The following SMARCD1 variants were observed in gnomAD, a reference collection of about 807,000 sequenced individuals.
The protein encoded by SMARCD1 is SWI/SNF related BAF chromatin remodeling complex subunit D1.
Under a neutral mutation model 70.8 loss-of-function variants are expected in SMARCD1, and 16 were observed. The observed-to-expected ratio is 0.23, with a 90% CI of 0.15 to 0.34. The LOEUF is 0.34. Ranked by LOEUF, SMARCD1 falls within the 10% of genes least tolerant of loss-of-function variation. SMARCD1 has a pLI of 1.00. For synonymous variants in SMARCD1, 249 were observed against 246.0 expected, an observed-to-expected ratio of 1.01 and a Z score of -0.11; for missense variants, 409 against 655.5, an observed-to-expected ratio of 0.62 and a Z score of 4.11.
At chr12:50,096,555 C>A in intron 10 of SMARCD1, 1 of 251,076 alleles carries the variant, frequency 4.0e-6, no homozygotes, top group Non-Finnish European at 7.8e-6. Context: ...ACTTTTGGAC[C>A]CATTTGTGCT....
At chr12:50,090,096 G>A in intron 7 of SMARCD1, 111 bp downstream of exon 7, 1 of 1,297,110 alleles carries the variant, frequency 7.7e-7, no homozygotes. Flanking sequence ...TTGGCACAGA[G>A]ATAGAGTCTT....
Position 50,089,995 on chromosome 12 carries a change from G to T in SMARCD1, c.873+10G>T, listed in dbSNP as rs776084691. The T allele has an allele frequency of 6.3e-7, 1 of 1,598,126 alleles. No homozygotes were observed. The highest frequency in any genetic ancestry group is 1.1e-5 in the South Asian group (1 of 90,734). The stretch of plus-strand genomic sequence containing the variant: ...GATGCTGGATTACCAGGTATTCTGT[G>T]GTGGTGTGAGGGGGTCCAGCTTTCA... On this transcript the variant is annotated intron_variant, in intron 7 of 12. Transcript: ENST00000394963.
At chr12:50,097,956 G>A (rs1950907770) in intron 11 of SMARCD1, among the ~76,000 whole-genome samples, 1 of 151,416 alleles carries the variant, frequency 6.6e-6, no homozygotes, top group Non-Finnish European at 1.5e-5. Flanking sequence ...ATTCAGATAA[G>A]GGAGATCAGT....
chr12:50,093,454 G>A (rs1459948863), intron 9 of SMARCD1, among the ~76,000 whole-genome samples: 4 of 150,888 alleles, frequency 2.7e-5, no homozygotes, highest in East Asian at 2.0e-4. Flanking sequence ...GTGAGCCACC[G>A]CACCTGGCCA....
At chr12:50,092,707 T>G (rs1168685500) in intron 9 of SMARCD1, among the ~76,000 whole-genome samples, 1 of 152,080 alleles carries the variant, frequency 6.6e-6, no homozygotes, top group African/African-American at 2.4e-5. Flanking sequence ...ACTTTTAATT[T>G]TGTGTTTGAC....
At chr12:50,087,321 C>T (rs779469183) in intron 4 of SMARCD1, 42 bp from the exon 5 acceptor site, 3 of 1,605,670 alleles carry the variant, frequency 1.9e-6, no homozygotes, top group Non-Finnish European at 1.7e-6. Flanking sequence ...CAACATCAGA[C>T]CACTGAAGCC....
At position 50,090,369 on chromosome 12, in the gene SMARCD1, G is replaced by T. The variant is rs374840364; in HGVS notation, c.1002G>T (p.Arg334=). The change falls in exon 8 of 13, where the codon CGG becomes CGT. Residue 334 remains arginine (R), a synonymous_variant. Transcript: ENST00000394963. The part of the protein sequence containing the change: ...KTHKLQDPHE[R]EFVICDKYLQ... ...ATAAGCTCCAGGACCCTCACGAGCGGGAGTTTGTCATCTGTGACAAGTACC... is the reference window on the plus strand; with the variant it reads ...ATAAGCTCCAGGACCCTCACGAGCGTGAGTTTGTCATCTGTGACAAGTACC... 7.4e-6 allele frequency: 12 copies of T among 1,613,950 alleles called. No individual in the cohort carries two copies. The highest frequency in any genetic ancestry group is 1.6e-4 in the Middle Eastern group (1 of 6,084).
rs777850677 is a variant in SMARCD1, at chr12:50,086,331, C to T, written c.348C>T (p.Val116=). The change falls in exon 2 of 13, where the codon GTC becomes GTT. Residue 116 remains valine, a synonymous_variant. Coordinates refer to ENST00000394963, the MANE Select transcript of SMARCD1 (RefSeq NM_003076.5). The part of the protein sequence containing the change: ...QQIQQVQQQA[V]QNRNHNAKKK... Reference sequence around the variant, plus strand: ...TCCAGCAGGTCCAGCAGCAGGCGGTCCAAAATCGAAACCACAAGTAAGATG... The same window carrying T: ...TCCAGCAGGTCCAGCAGCAGGCGGTTCAAAATCGAAACCACAAGTAAGATG... 6.3e-7 allele frequency: 1 copy of T among 1,590,194 alleles called. No individual in the cohort carries two copies. Among genetic ancestry groups the T allele is most frequent in the Non-Finnish European group, 8.6e-7 (1 of 1,168,196 alleles).
At chr12:50,098,358 T>A (rs894083186) in intron 11 of SMARCD1, 3 of 269,716 alleles carry the variant, frequency 1.1e-5, no homozygotes, top group Admixed American at 5.0e-5. Context: ...GGAGGGAGAC[T>A]CTGTTCTGTG....
At chr12:50,097,891 CAAAAAAA>C (rs749628224) in intron 11 of SMARCD1, among the ~76,000 whole-genome samples, 5 of 42,188 alleles carry the variant, frequency 1.2e-4, no homozygotes, top group Admixed American at 6.8e-4. Flanking sequence ...GACTCCATCT[CAAAAAAA>C]AAAAAAAAAA....
chr12:50,087,921 C>T (rs189706160), intron 5 of SMARCD1, among the ~76,000 whole-genome samples: 28 of 152,234 alleles, frequency 1.8e-4, no homozygotes, highest in Admixed American at 1.6e-3. Context: ...CTCTTTGTTG[C>T]TTCCTGGGGA....
In SMARCD1 at chr12:50,090,599, G is replaced by A; in HGVS notation, c.1133+9G>A. ...ATTAATCATGTCATCAGGTAGGCCT[G>A]TGTGTGGGAGGCAGTGCTGTGCCGG... On this transcript the variant is annotated intron_variant, in intron 9 of 12. Coordinates refer to ENST00000394963, the MANE Select transcript of SMARCD1 (RefSeq NM_003076.5). 3 of 1,598,746 alleles carry A rather than the reference G, an allele frequency of 1.9e-6. No homozygotes were observed. Among genetic ancestry groups the A allele is most frequent in the Non-Finnish European group, 2.6e-6 (3 of 1,166,026 alleles).
At chr12:50,090,821 C>CTTTTTTTT (rs11443542) in intron 9 of SMARCD1, among the ~76,000 whole-genome samples, 6 of 102,408 alleles carry the variant, frequency 5.9e-5, no homozygotes, top group South Asian at 3.5e-4. Flanking sequence ...TGTATTTGTG[C>CTTTTTTTT]TTTTTTTTTT....
intron 5 of SMARCD1, 195 bp from the exon 6 acceptor site, chr12:50,088,326 T>C (rs779940074): frequency 1.4e-6 from 1 of 697,940 alleles, no homozygotes; most frequent in Non-Finnish European, 2.6e-6. Flanking sequence ...CTAGGCTGCT[T>C]CTTCAGGGTT....
At chr12:50,085,573 C>T (rs924697497) in intron 1 of SMARCD1, 27 bp downstream of exon 1, 1 of 965,882 alleles carries the variant, frequency 1.0e-6, no homozygotes. Flanking sequence ...GAGGGGCGCG[C>T]GGGCCGGGGG....
intron 1 of SMARCD1, 68 bp downstream of exon 1, chr12:50,085,614 G>T: frequency 8.6e-7 from 1 of 1,161,070 alleles, no homozygotes; most frequent in Non-Finnish European, 1.1e-6. Context: ...GGAGTGACAG[G>T]GGTGGGGGGA....
At chr12:50,088,178 A>G in intron 5 of SMARCD1, 1 of 686,326 alleles carries the variant, frequency 1.5e-6, no homozygotes, top group South Asian at 1.5e-5. Flanking sequence ...CTGGCTGCTT[A>G]TTGCCTGTGA....
chr12:50,092,517 C>T lies in SMARCD1; in HGVS notation c.1134-1920C>T, dbSNP rs138899311. Among the ~76,000 whole-genome samples, 446 of 138,660 alleles carry T rather than the reference C, an allele frequency of 3.2e-3. 1 individual carries two copies. Among genetic ancestry groups the T allele is most frequent in the African/African-American group, 0.01 (405 of 39,566 alleles). The allele number at this position is 138,660 out of a possible 152,430, so 91.0% of individuals were successfully genotyped here. A position where few individuals can be genotyped will look rare whatever the true frequency, so the allele number is the denominator to read the frequency against. On this transcript the variant is annotated intron_variant, in intron 9 of 12. Transcript: ENST00000394963. ...GATTACAGGTGTGAGCCACCACACC[C>T]GGTGGGCTTTTTTTTTTTTTTTCTT...
intron 6 of SMARCD1, 99 bp downstream of exon 6, chr12:50,088,736 T>TCACTCTAGGTGTACACAGTAC (rs1478283568): frequency 1.5e-6 from 1 of 658,134 alleles, no homozygotes; most frequent in African/African-American, 1.8e-5. Context: ...TATAAAGTAG[T>TCACTCTAGGTGTACACAGTAC]CACTCTAGGT....
Sources: gnomAD v4.1 joint callset for allele counts (sites outside exome capture counted in the v4.1 genomes callset) on GRCh38, gnomAD v4.1.1 for gene constraint, MANE v1.5 for transcripts, NCBI Gene and HGNC (gene_info 2026-07-23, HGNC 2026-07-21) for gene names.